The following DOCK1 variants were observed in gnomAD, a reference collection of about 807,000 sequenced individuals.
The protein encoded by DOCK1 is dedicator of cytokinesis protein 1.
Under a neutral mutation model 262.7 loss-of-function variants are expected in DOCK1, and 138 were observed. The observed-to-expected ratio is 0.53, with a 90% confidence interval of 0.46 to 0.61. The LOEUF (loss-of-function observed/expected upper bound fraction) is 0.61. Ranked by LOEUF, DOCK1 falls within the 20% of genes least tolerant of loss-of-function variation. DOCK1 has a pLI of 0.00. For synonymous variants in DOCK1, 866 were observed against 867.4 expected, an observed-to-expected ratio of 1.00 and a Z score of 0.03; for missense variants, 1,908 against 2,370.7, an observed-to-expected ratio of 0.80 and a Z score of 4.05.
chr10:126,956,211 C>G (rs2036728069), intron 1 of DOCK1, among the ~76,000 whole-genome samples: 2 of 152,240 alleles, frequency 1.3e-5, no homozygotes. Context: ...AGCTCATCAG[C>G]AGTCAGCATC....
intron 10 of DOCK1, among the ~76,000 whole-genome samples, chr10:127,004,923 C>T (rs2040900069): frequency 6.6e-6 from 1 of 152,208 alleles, no homozygotes; most frequent in Non-Finnish European, 1.5e-5. Context: ...ACCTTGCCCT[C>T]CCTGCTCTGC....
chr10:127,215,348 C>A (rs577880907), intron 27 of DOCK1, among the ~76,000 whole-genome samples: 2 of 152,130 alleles, frequency 1.3e-5, no homozygotes, highest in African/African-American at 4.8e-5. Flanking sequence ...TAGGGAAGAC[C>A]CAGCCACGCA....
chr10:126,954,810 G>C (rs1458482963), intron 1 of DOCK1, among the ~76,000 whole-genome samples: 8 of 152,154 alleles, frequency 5.3e-5, no homozygotes, highest in African/African-American at 1.9e-4. Context: ...TACATACCAC[G>C]TTTTATCCAT....
chr10:127,437,845 A>G lies in DOCK1; in HGVS notation c.5061-1182A>G, dbSNP rs2184374. 0.64 allele frequency among the ~76,000 whole-genome samples: 97,752 copies of G among 152,094 alleles called. 32,491 individuals carry two copies. Among genetic ancestry groups the G allele is most frequent in the African/African-American group, 0.82 (34,215 of 41,522 alleles). On this transcript the variant is annotated intron_variant, in intron 48 of 51. Transcript: ENST00000623213. This position sits in a 1 kb window ranked among gnomAD's most constrained non-coding sequence, Gnocchi z 4.4. ...GTGTCCCATTCAGAAATACATGTAA[A>G]AGAAACTAGAGCTAGGATGAAAATA...
Position 127,419,740 on chromosome 10 carries a change from T to G in DOCK1, c.4767T>G (p.Ile1589Met), listed in dbSNP as rs1282872622. ...AGATCGAGAAGCTCAAGGACCTGATTGCTTGGCAGGTAAAGTGTCCAGCAA... is the reference window on the plus strand; with the variant it reads ...AGATCGAGAAGCTCAAGGACCTGATGGCTTGGCAGGTAAAGTGTCCAGCAA... Reference protein sequence around the residue: ...HEKIEKLKDLIAWQIPFLAEG... With the variant: ...HEKIEKLKDLMAWQIPFLAEG... The change falls in exon 46 of 52, where the codon ATT becomes ATG. Residue 1589 changes from isoleucine (I) to methionine (M), a missense_variant. Ile to Met is a conservative substitution (Grantham distance 10, BLOSUM62 1). Around this residue, in one of 9 missense-constraint regions of DOCK1, gnomAD observed 383 missense variants for 420.1 expected, o/e 0.91. Transcript: ENST00000623213. The G allele has an allele frequency of 3.8e-6, 6 of 1,596,658 alleles. No homozygotes were observed. Among genetic ancestry groups the G allele is most frequent in the Non-Finnish European group, 5.1e-6 (6 of 1,171,208 alleles).
chr10:127,137,867 C>A, intron 27 of DOCK1: 1 of 1,614,022 alleles, frequency 6.2e-7, no homozygotes, highest in Non-Finnish European at 8.5e-7. Context: ...ATCTTCCGTG[C>A]TTTTTAGATT....
chr10:126,929,907 G>T (rs1010119135), intron 1 of DOCK1, among the ~76,000 whole-genome samples: 1,794 of 152,334 alleles, frequency 0.012, 24 homozygotes, highest in African/African-American at 0.04. Context: ...CCACTGCGTA[G>T]TCCAAGACAT....
intron 16 of DOCK1, 73 bp downstream of exon 16, chr10:127,026,497 T>C: frequency 7.2e-7 from 1 of 1,389,340 alleles, no homozygotes; most frequent in East Asian, 2.5e-5. Flanking sequence ...GAGGCCACTC[T>C]CAGTTGTTCT....
intron 29 of DOCK1, among the ~76,000 whole-genome samples, chr10:127,334,940 G>T (rs996934186): frequency 6.6e-6 from 1 of 152,092 alleles, no homozygotes; most frequent in Admixed American, 6.6e-5. Flanking sequence ...GAATCCCACC[G>T]CAGAAAACCT....
At chr10:127,371,409 C>A (rs1481050514) in intron 33 of DOCK1, among the ~76,000 whole-genome samples, 1 of 152,242 alleles carries the variant, frequency 6.6e-6, no homozygotes, top group Non-Finnish European at 1.5e-5. Context: ...AGAATTTGAT[C>A]AGCAGCATAC....
Position 127,403,224 on chromosome 10 carries a change from T to A in DOCK1, c.4017+80T>A, listed in dbSNP as rs920702174. On this transcript the variant is annotated intron_variant, in intron 39 of 51. Transcript: ENST00000623213. Reference sequence around the variant, plus strand: ...TCAGGAATCTCTCTTTCCATGTCAATGTTAGGGTTCACCCCAGGCACTCTG... The same window carrying A: ...TCAGGAATCTCTCTTTCCATGTCAAAGTTAGGGTTCACCCCAGGCACTCTG... The A allele has an allele frequency of 2.6e-5, 38 of 1,436,512 alleles. No individual in the cohort carries two copies. The South Asian group carries it at 3.3e-4, about 12-fold the overall frequency. 89.0% of individuals were successfully genotyped at this position (1,436,512 alleles called of 1,614,324 possible).
intron 1 of DOCK1, among the ~76,000 whole-genome samples, chr10:126,910,157 G>C (rs1466122909): frequency 6.6e-6 from 1 of 152,164 alleles, no homozygotes; most frequent in Non-Finnish European, 1.5e-5. Flanking sequence ...AGAAATGCAG[G>C]CATTTTCATT....
At chr10:127,249,404 C>CAT (rs1266474396) in intron 28 of DOCK1, among the ~76,000 whole-genome samples, 1 of 9,242 alleles carries the variant, frequency 1.1e-4, no homozygotes, top group African/African-American at 2.1e-4. Flanking sequence ...CACATATATA[C>CAT]ATATATATAT....
chr10:127,260,871 A>ATGTGTGTG (rs140171742), intron 29 of DOCK1, among the ~76,000 whole-genome samples: 1 of 72,578 alleles, frequency 1.4e-5, no homozygotes, highest in African/African-American at 6.3e-5. Flanking sequence ...GTGTGTGTGC[A>ATGTGTGTG]TGTGTGTGTG....
At chr10:127,187,206 T>A (rs772111751) in intron 27 of DOCK1, among the ~76,000 whole-genome samples, 4 of 152,254 alleles carry the variant, frequency 2.6e-5, no homozygotes, top group Non-Finnish European at 5.9e-5. Context: ...CAAATATTCC[T>A]GCGTTTGCCT....
At position 127,335,249 on chromosome 10, in the gene DOCK1, A is replaced by T. The variant is rs377327209; in HGVS notation, c.3045-3757A>T. ...AATCTGGAGGGCTTCTCTTACCTAAACCCAACTCCAGCAGTGTCCAGCACA... is the reference window on the plus strand; with the variant it reads ...AATCTGGAGGGCTTCTCTTACCTAATCCCAACTCCAGCAGTGTCCAGCACA... On this transcript the variant is annotated intron_variant, in intron 29 of 51. Transcript: ENST00000623213. Among the ~76,000 whole-genome samples the T allele has an allele frequency of 6.6e-5, 10 of 152,120 alleles. No homozygotes were observed. In the South Asian group the frequency reaches 2.1e-3, roughly 32 times the overall value.
intron 23 of DOCK1, among the ~76,000 whole-genome samples, chr10:127,082,374 A>G (rs766568288): frequency 3.9e-5 from 6 of 152,178 alleles, no homozygotes; most frequent in Non-Finnish European, 7.3e-5. Flanking sequence ...AAGAGGCTTA[A>G]TTTAAGGGAC....
chr10:127,111,838 A>G (rs2048883976), intron 25 of DOCK1, among the ~76,000 whole-genome samples: 1 of 152,194 alleles, frequency 6.6e-6, no homozygotes, highest in Non-Finnish European at 1.5e-5. Context: ...GTCCATGAAT[A>G]ACAATTGTTG....
chr10:127,312,734 G>T (rs912146277), intron 29 of DOCK1, among the ~76,000 whole-genome samples: 3 of 151,908 alleles, frequency 2.0e-5, no homozygotes, highest in African/African-American at 7.3e-5. Context: ...CACTTGCTAG[G>T]GTTTCCCATT....
Sources: gnomAD v4.1 joint callset for allele counts (sites outside exome capture counted in the v4.1 genomes callset) on GRCh38, gnomAD v4.1.1 for gene constraint, gnomAD v4.1.1 regional missense constraint, Gnocchi (gnomAD v3.1) non-coding constraint, MANE v1.5 for transcripts, NCBI Gene and HGNC (gene_info 2026-07-23, HGNC 2026-07-21) for gene names.